The following AKR1C2 variants were observed in gnomAD, a reference collection of about 807,000 sequenced individuals.
AKR1C2 encodes aldo-keto reductase family 1 member C2.
AKR1C2 carries 27 observed loss-of-function variants against 39.8 expected under a neutral mutation model. The observed-to-expected ratio is 0.68, with a 90% CI of 0.50 to 0.93. AKR1C2 has a LOEUF of 0.93. Among genes scored for constraint, AKR1C2 ranks in the 40% least tolerant of loss-of-function variants. The pLI is 0.00. For missense variants in AKR1C2, 263 were observed against 365.1 expected (o/e 0.72, Z 2.28); for synonymous variants, 114 against 137.9 (o/e 0.83, Z 1.22).
upstream of AKR1C2, among the ~76,000 whole-genome samples, chr10:5,006,825 G>C (rs1347127644): frequency 6.6e-6 from 1 of 151,198 alleles, no homozygotes; most frequent in Non-Finnish European, 1.5e-5. Flanking sequence ...CACCAGGCTG[G>C]AGTGCAGTGG....
At chr10:5,004,964 T>G (rs1331329055), upstream of AKR1C2, 1 of 147,980 alleles carries the variant, frequency 6.8e-6, no homozygotes, top group Non-Finnish European at 1.5e-5. Flanking sequence ...GATTCTAAGA[T>G]TCCCATATAA....
At chr10:5,011,369 A>C (rs1322532764) in intron 1 of AKR1C2, among the ~76,000 whole-genome samples, 3 of 152,236 alleles carry the variant, frequency 2.0e-5, no homozygotes, top group African/African-American at 7.2e-5. Context: ...CTAAAAGCCC[A>C]GACCTCACCA....
upstream of AKR1C2, among the ~76,000 whole-genome samples, chr10:5,008,677 A>C (rs1474136073): frequency 2.6e-5 from 4 of 152,246 alleles, no homozygotes; most frequent in Non-Finnish European, 5.9e-5. Flanking sequence ...ATGGAAGATC[A>C]GGGAGGACAG....
chr10:4,999,425 T>C, intron 3 of AKR1C2, 148 bp from the exon 4 acceptor site: 6 of 1,562,968 alleles, frequency 3.8e-6, no homozygotes, highest in Non-Finnish European at 5.2e-6. Context: ...GTACTACATA[T>C]GAAGGTATAA....
chr10:5,000,247 G>A (rs1837214720), intron 3 of AKR1C2: 1 of 1,449,884 alleles, frequency 6.9e-7, no homozygotes, highest in Non-Finnish European at 9.1e-7. Flanking sequence ...CCCAAGAGGT[G>A]AAATCAGGAA....
intron 5 of AKR1C2, among the ~76,000 whole-genome samples, 168 bp downstream of exon 5, chr10:4,998,457 C>A (rs1255007759): frequency 6.6e-6 from 1 of 152,218 alleles, no homozygotes; most frequent in Non-Finnish European, 1.5e-5. Flanking sequence ...TAAGACTTTT[C>A]TAAGCAGGGT....
chr10:5,000,640 C>G lies in AKR1C2; in HGVS notation c.279G>C (p.Glu93Asp). 1 of 1,613,948 alleles carries G rather than the reference C, an allele frequency of 6.2e-7. No homozygotes were observed. Among genetic ancestry groups the G allele is most frequent in the Non-Finnish European group, 8.5e-7 (1 of 1,179,882 alleles). Residue 93 changes from glutamate to aspartate, a missense_variant, in exon 3 of 9, where the codon GAG becomes GAC. Around this residue, in one of 3 missense-constraint regions of AKR1C2, gnomAD observed 247 missense variants for 267.9 expected, o/e 0.92. Transcript: ENST00000380753. Reference protein sequence around the residue: ...SKLWSNSHRPELVRPALERSL... With the variant: ...SKLWSNSHRPDLVRPALERSL... ...ACCTTTCCAAGGCTGGTCGGACCAA[C>G]TCTGGTCGATGGGAATTGCTCCAAA...
chr10:4,990,300 C>G (rs572627266), intron 8 of AKR1C2, among the ~76,000 whole-genome samples: 8 of 152,302 alleles, frequency 5.3e-5, no homozygotes, highest in Non-Finnish European at 1.2e-4. Flanking sequence ...ACATGTTTCT[C>G]TACATCTCTC....
At chr10:4,998,503 G>T (rs1336220019) in intron 5 of AKR1C2, 122 bp downstream of exon 5, 5 of 1,525,012 alleles carry the variant, frequency 3.3e-6, no homozygotes, top group Non-Finnish European at 4.4e-6. Flanking sequence ...CTAGGAAGAG[G>T]CTTTGTTCTC....
chr10:5,000,981 T>A (rs1205345838), intron 2 of AKR1C2, among the ~76,000 whole-genome samples: 3 of 152,244 alleles, frequency 2.0e-5, no homozygotes, highest in Non-Finnish European at 2.9e-5. Flanking sequence ...AGTGGTGTAA[T>A]TATTTCATCT....
At chr10:5,007,152 C>G (rs1276641620), upstream of AKR1C2, among the ~76,000 whole-genome samples, 1 of 146,996 alleles carries the variant, frequency 6.8e-6, no homozygotes, top group Non-Finnish European at 1.5e-5. Context: ...TAGAACTGCT[C>G]TACAAGAAAT....
rs1192804892 is a variant in AKR1C2, at chr10:4,995,781, G to C, written c.655C>G (p.Leu219Val). 1 of 1,611,804 alleles carries C rather than the reference G, an allele frequency of 6.2e-7. No homozygotes were observed. Among genetic ancestry groups the C allele is most frequent in the Non-Finnish European group, 8.5e-7 (1 of 1,179,470 alleles). ...KDIVLVAYSA[L>V]GSHREEPWVD... is the part of the protein sequence containing the mutation. ...CATGGTTCTTCTCGATGGGATCCCA[G>C]AGCACTATAGGCAACCAGAACAATG... Residue 219 changes from leucine (L) to valine (V), a missense_variant, in exon 6 of 9, where the codon CTG (leucine) becomes GTG (valine). Physicochemically the swap from Leu to Val is conservative, Grantham distance 32. Transcript: ENST00000380753.
intron 7 of AKR1C2, among the ~76,000 whole-genome samples, chr10:4,992,875 G>A (rs1213633109): frequency 2.0e-5 from 3 of 152,138 alleles, no homozygotes; most frequent in Non-Finnish European, 4.4e-5. Flanking sequence ...GCTTGAACCC[G>A]GGAGGTGGAG....
intron 1 of AKR1C2, among the ~76,000 whole-genome samples, chr10:5,017,441 G>A (rs1837665614): frequency 6.6e-6 from 1 of 152,184 alleles, no homozygotes; most frequent in Non-Finnish European, 1.5e-5. Flanking sequence ...CAAGCTCAAA[G>A]TGACACAGAT....
upstream of AKR1C2, among the ~76,000 whole-genome samples, chr10:5,006,302 G>A (rs1554774382): frequency 6.6e-6 from 1 of 152,168 alleles, no homozygotes; most frequent in African/African-American, 2.4e-5. Context: ...ACCTATATGT[G>A]TTATCATCCA....
At chr10:5,006,254 TAAAG>T (rs1462253869), upstream of AKR1C2, among the ~76,000 whole-genome samples, 8 of 152,284 alleles carry the variant, frequency 5.3e-5, no homozygotes, top group African/African-American at 1.7e-4. Flanking sequence ...TCAAGTAACT[TAAAG>T]AACTGCATAT....
At chr10:4,999,564 T>C in intron 3 of AKR1C2, 1 of 323,892 alleles carries the variant, frequency 3.1e-6, no homozygotes, top group East Asian at 7.3e-5. Flanking sequence ...GCTCCTATAA[T>C]TTTCTCTGTG....
rs565818963 is a variant in AKR1C2 at position 4,993,841 on chromosome 10, A to G, written c.846+1478T>C. Among the ~76,000 whole-genome samples, 249 of 151,642 alleles carry G rather than the reference A, an allele frequency of 1.6e-3. 4 individuals are homozygous for G. Among genetic ancestry groups the G allele is most frequent in the Middle Eastern group, 3.5e-3 (1 of 284 alleles). On this transcript the variant is annotated intron_variant, in intron 7 of 8. Coordinates refer to ENST00000380753, the MANE Select transcript of AKR1C2 (RefSeq NM_001393392.1). Reference sequence around the variant, plus strand: ...TATCATATATATCTATATATACTAGATGAATTAGAGAACATACACATATGT... The same window carrying G: ...TATCATATATATCTATATATACTAGGTGAATTAGAGAACATACACATATGT...
chr10:5,005,765 C>A (rs565245562), upstream of AKR1C2, among the ~76,000 whole-genome samples: 15 of 152,156 alleles, frequency 9.9e-5, no homozygotes, highest in African/African-American at 3.6e-4. Flanking sequence ...GAAATCATTC[C>A]TGAAGAATCA....
Sources: gnomAD v4.1 joint callset for allele counts (sites outside exome capture counted in the v4.1 genomes callset) on GRCh38, gnomAD v4.1.1 for gene constraint, gnomAD v4.1.1 regional missense constraint, MANE v1.5 for transcripts, NCBI Gene and HGNC (gene_info 2026-07-23, HGNC 2026-07-21) for gene names.